The following ANO6 variants were observed in gnomAD, a reference collection of about 807,000 sequenced individuals.
The protein encoded by ANO6 is anoctamin-6.
ANO6 carries 106 observed loss-of-function variants against 117.5 expected under a neutral mutation model. The ratio of observed to expected loss-of-function variants is 0.90; its 90% CI spans 0.77 to 1.06. The LOEUF (loss-of-function observed/expected upper bound fraction) is 1.06. Among genes scored for constraint, ANO6 ranks in the 50% least tolerant of loss-of-function variants. The pLI is 0.00. For missense variants in ANO6, 955 were observed against 1,121.1 expected (o/e 0.85, Z 2.12); for synonymous variants, 367 against 385.1 (o/e 0.95, Z 0.55).
At chr12:45,419,861 T>A (rs530204147) in intron 17 of ANO6, among the ~76,000 whole-genome samples, 3 of 152,058 alleles carry the variant, frequency 2.0e-5, no homozygotes, top group Non-Finnish European at 1.5e-5. Context: ...GTCTCTCTGA[T>A]ACACAGGTTT....
chr12:45,432,079 A>G lies in ANO6; in HGVS notation c.*2768A>G, dbSNP rs1373199265. The G allele has an allele frequency of 1.0e-6, 1 of 985,380 alleles. No homozygotes were observed. Among genetic ancestry groups the G allele is most frequent in the Non-Finnish European group, 1.2e-6 (1 of 829,918 alleles). The allele number at this position is 985,380 out of a possible 1,614,324, so 61.0% of individuals were successfully genotyped here. ...GAATTTCATAAAACATTAATTCACA[A>G]TGGGGGTCAGAATGTACTCTTGTTG... is the stretch of plus-strand genomic sequence containing the variant. On this transcript the variant is annotated 3_prime_UTR_variant, in exon 20 of 20. Transcript: ENST00000320560.
At chr12:45,265,842 A>G (rs144105263) in intron 1 of ANO6, among the ~76,000 whole-genome samples, 105 of 152,254 alleles carry the variant, frequency 6.9e-4, no homozygotes, top group Non-Finnish European at 1.2e-3. Context: ...TGCAGTATAG[A>G]CCTACCCTAA....
chr12:45,222,253 C>T (rs1000273291), intron 1 of ANO6, among the ~76,000 whole-genome samples: 7 of 151,890 alleles, frequency 4.6e-5, no homozygotes, highest in Admixed American at 3.3e-4. Context: ...CTCCGCCTCC[C>T]GGGTTCAAGT....
chr12:45,431,344 G>A lies in ANO6; in HGVS notation c.*2033G>A, dbSNP rs1943628335. 1.0e-6 allele frequency: 1 copy of A among 985,262 alleles called. No homozygotes were observed. The highest frequency in any genetic ancestry group is 1.1e-4 in the East Asian group (1 of 8,818). The allele number at this position is 985,262 out of a possible 1,614,324, so 61.0% of individuals were successfully genotyped here. A position where few individuals can be genotyped will look rare whatever the true frequency, so the allele number is the denominator to read the frequency against. ...CTCTCTAGTACCTCTTCTCTTCTCT[G>A]AAGTGTGTGACTATCTCCTAGTGTT... On this transcript the variant is annotated 3_prime_UTR_variant, in exon 20 of 20. Coordinates refer to ENST00000320560, the MANE Select transcript of ANO6 (RefSeq NM_001025356.3).
chr12:45,270,484 G>A (rs1168990286), intron 1 of ANO6: 3 of 1,487,154 alleles, frequency 2.0e-6, no homozygotes, highest in Non-Finnish European at 2.7e-6. Flanking sequence ...CCTCCAGGAG[G>A]CCTTTTCTGA....
At position 45,320,424 on chromosome 12, in the gene ANO6, C is replaced by T. The variant is rs550797117; in HGVS notation, c.151-10871C>T. On this transcript the variant is annotated intron_variant, in intron 2 of 19. Transcript: ENST00000320560. Reference sequence around the variant, plus strand: ...GTTGTTCAGTTTCCATGTAGTTGAGCGGTTTTGAGTGAGTTTCTTAATCCT... The same window carrying T: ...GTTGTTCAGTTTCCATGTAGTTGAGTGGTTTTGAGTGAGTTTCTTAATCCT... Among the ~76,000 whole-genome samples the T allele has an allele frequency of 1.2e-4, 19 of 152,046 alleles. No homozygotes were observed. The South Asian group carries it at 3.8e-3, about 30-fold the overall frequency.
At chr12:45,376,808 T>A (rs1405043803) in intron 9 of ANO6, among the ~76,000 whole-genome samples, 1 of 150,036 alleles carries the variant, frequency 6.7e-6, no homozygotes, top group East Asian at 2.0e-4. Context: ...CATATGTAAC[T>A]AACCTGAACA....
At chr12:45,420,208 G>C (rs777516508) in intron 17 of ANO6, among the ~76,000 whole-genome samples, 23 of 152,046 alleles carry the variant, frequency 1.5e-4, no homozygotes, top group Non-Finnish European at 2.6e-4. Context: ...TGAACTTAGA[G>C]GTCATTATTT....
intron 12 of ANO6, among the ~76,000 whole-genome samples, chr12:45,399,923 G>A (rs1942738713): frequency 6.6e-6 from 1 of 152,158 alleles, no homozygotes; most frequent in Non-Finnish European, 1.5e-5. Context: ...AAAGCTTCCT[G>A]CCCCTATGAA....
Position 45,217,005 on chromosome 12 carries a change from G to A in ANO6, c.70+614G>A, listed in dbSNP as rs184338105. On this transcript the variant is annotated intron_variant, in intron 1 of 19. Coordinates refer to ENST00000320560, the MANE Select transcript of ANO6 (RefSeq NM_001025356.3). ...TCCCCCAGGCAGGGAGGACCGCAGG[G>A]CCTTTTTCACTCGTCCTGAGGGGCC... 2.0e-3 allele frequency among the ~76,000 whole-genome samples: 302 copies of A among 152,328 alleles called. 1 individual carries two copies. The highest frequency in any genetic ancestry group is 3.4e-3 in the Non-Finnish European group (228 of 68,026).
chr12:45,315,957 C>T (rs1940009687), intron 2 of ANO6, among the ~76,000 whole-genome samples: 1 of 152,052 alleles, frequency 6.6e-6, no homozygotes, highest in Non-Finnish European at 1.5e-5. Flanking sequence ...GTAGGCTCCA[C>T]CTTTCTTCCC....
chr12:45,241,161 A>G (rs1202386340), intron 1 of ANO6, among the ~76,000 whole-genome samples: 1 of 152,090 alleles, frequency 6.6e-6, no homozygotes, highest in Non-Finnish European at 1.5e-5. Context: ...ATTTAGTTCC[A>G]TTCTCCCTGT....
In ANO6 at chr12:45,367,590, A is replaced by G. The variant is rs367708020; in HGVS notation, c.999-98A>G. 2.5e-3 allele frequency: 2,235 copies of G among 888,188 alleles called. 62 individuals carry two copies. In the South Asian group the frequency reaches 0.033, roughly 13 times the overall value. The allele number at this position is 888,188 out of a possible 1,614,324, so 55.0% of individuals were successfully genotyped here. A position where few individuals can be genotyped will look rare whatever the true frequency, so the allele number is the denominator to read the frequency against. ...AGTTCACTTCTGTTTCTAGTTTTAC[A>G]AGATCGGTTTAGTTTTGTTTCTTAT... is the stretch of plus-strand genomic sequence containing the variant. On this transcript the variant is annotated intron_variant, in intron 8 of 19. Transcript: ENST00000320560.
intron 18 of ANO6, among the ~76,000 whole-genome samples, chr12:45,421,577 A>C (rs1592048734): frequency 1.3e-5 from 2 of 152,192 alleles, no homozygotes; most frequent in Non-Finnish European, 2.9e-5. Context: ...TAAAGTTGAG[A>C]GTTTCAAACG....
chr12:45,414,778 T>C (rs1445370673), intron 16 of ANO6, among the ~76,000 whole-genome samples: 1 of 152,216 alleles, frequency 6.6e-6, no homozygotes, highest in East Asian at 1.9e-4. Flanking sequence ...TTTTCTTTCT[T>C]TGAAAGACAG....
chr12:45,328,045 A>G (rs569329084), intron 2 of ANO6, among the ~76,000 whole-genome samples: 1 of 152,246 alleles, frequency 6.6e-6, no homozygotes. Context: ...GTCACAACCA[A>G]GGGATGTTCT....
At chr12:45,372,713 A>G (rs377625084) in intron 9 of ANO6, among the ~76,000 whole-genome samples, 2 of 152,228 alleles carry the variant, frequency 1.3e-5, no homozygotes, top group Non-Finnish European at 2.9e-5. Flanking sequence ...TGAAGGAAGC[A>G]CTAAACATGG....
At chr12:45,421,018 T>C (rs1943346619) in intron 17 of ANO6, 53 bp from the exon 18 acceptor site, 1 of 1,597,170 alleles carries the variant, frequency 6.3e-7, no homozygotes. Context: ...AGACTCCGTC[T>C]CAAAAACAAA....
At chr12:45,219,031 C>T (rs564644665) in intron 1 of ANO6, among the ~76,000 whole-genome samples, 1 of 152,248 alleles carries the variant, frequency 6.6e-6, no homozygotes, top group African/African-American at 2.4e-5. Context: ...TCTTGAACTC[C>T]TGGCCTCTAG....
Sources: gnomAD v4.1 joint callset for allele counts (sites outside exome capture counted in the v4.1 genomes callset) on GRCh38, gnomAD v4.1.1 for gene constraint, MANE v1.5 for transcripts, NCBI Gene and HGNC (gene_info 2026-07-23, HGNC 2026-07-21) for gene names.